Variants in C14orf39 observed in about 807,000 individuals in gnomAD.
C14orf39 encodes the protein chromosome 14 open reading frame 39.
C14orf39 carries 66 observed loss-of-function variants against 85.6 expected under a neutral mutation model. That is an observed-to-expected ratio of 0.77 (90% CI 0.63 to 0.95). C14orf39 has a LOEUF of 0.95. Ranked by LOEUF, C14orf39 falls within the 40% of genes least tolerant of loss-of-function variation. The probability of loss-of-function intolerance (pLI) is 0.00; values close to 1 mark genes in which losing one functional copy is unlikely to be tolerated. For missense variants in C14orf39, 735 were observed against 663.9 expected (o/e 1.11, Z -1.18); for synonymous variants, 242 against 214.0 (o/e 1.13, Z -1.14).
chr14:60,461,304 T>C (rs1291391944), intron 13 of C14orf39, 50 bp downstream of exon 13: 1 of 1,470,766 alleles, frequency 6.8e-7, no homozygotes, highest in South Asian at 1.2e-5. Context: ...AAAAACCTGA[T>C]ATAATTTGTT....
chr14:60,450,893 C>T (rs1435770821), intron 16 of C14orf39, among the ~76,000 whole-genome samples: 1 of 152,174 alleles, frequency 6.6e-6, no homozygotes, highest in Non-Finnish European at 1.5e-5. Context: ...TATCCAAGAC[C>T]ACCAAGGCTG....
chr14:60,466,118 A>G lies in C14orf39; in HGVS notation c.896-63T>C, dbSNP rs1891780201. On this transcript the variant is annotated intron_variant, in intron 10 of 17. Transcript: ENST00000321731. ...GAAACAGAATCAAGTATCTTCCCCA[A>G]TGTTTAACCTAAACTTGTAATTTAG... The G allele has an allele frequency of 1.0e-5, 7 of 673,598 alleles. No homozygotes were observed. In the East Asian group the frequency reaches 1.9e-4, roughly 18 times the overall value. 41.7% of individuals were successfully genotyped at this position (673,598 alleles called of 1,614,324 possible). A position where few individuals can be genotyped will look rare whatever the true frequency, so the allele number is the denominator to read the frequency against.
Position 60,461,392 on chromosome 14 carries a change from T to C in C14orf39, c.1079A>G (p.Gln360Arg), listed in dbSNP as rs757998734. The C allele has an allele frequency of 6.2e-7, 1 of 1,610,854 alleles. No individual in the cohort carries two copies. Among genetic ancestry groups the C allele is most frequent in the South Asian group, 1.1e-5 (1 of 90,664 alleles). Residue 360 changes from glutamine (Q) to arginine (R), a missense_variant, in exon 13 of 18, where the codon CAA becomes CGA. By Grantham distance (43) the Gln-to-Arg change is conservative. Coordinates refer to ENST00000321731, the MANE Select transcript of C14orf39 (RefSeq NM_174978.3). ...MQVRLLTPQK[Q>R]SNSNQWSEKG... ...TTCCGACCACTGATTGGAATTTGAT[T>C]GTTTCTGTGGGGTTAACAATCTAAA...
intron 1 of C14orf39, among the ~76,000 whole-genome samples, chr14:60,513,058 G>C (rs1031091433): frequency 2.6e-4 from 39 of 152,218 alleles, no homozygotes. Flanking sequence ...GGAAGCCCAG[G>C]ACAGAGTAAG....
Position 60,515,017 on chromosome 14 carries a change from T to A in C14orf39, c.-144+378A>T, listed in dbSNP as rs1165247074. ...TGTCGGCCTGAATGGCTAATAGGTT[T>A]GCCTGTGAGCTGCGAGGGGGCGGTG... On this transcript the variant is annotated intron_variant, in intron 1 of 5. Coordinates refer to the C14orf39 transcript ENST00000556799. The surrounding 1 kb of genome is among the most constrained non-coding windows in gnomAD (Gnocchi z 6.2). 6.6e-6 allele frequency: 1 copy of A among 152,246 alleles called. No individual in the cohort carries two copies. The highest frequency in any genetic ancestry group is 1.5e-5 in the Non-Finnish European group (1 of 68,366). 9.4% of individuals were successfully genotyped at this position (152,246 alleles called of 1,614,324 possible). A position where few individuals can be genotyped will look rare whatever the true frequency, so the allele number is the denominator to read the frequency against.
At chr14:60,504,032 G>C (rs1893175941) in intron 1 of C14orf39, among the ~76,000 whole-genome samples, 1 of 152,118 alleles carries the variant, frequency 6.6e-6, no homozygotes, top group South Asian at 2.1e-4. Flanking sequence ...AAGATGTTTA[G>C]CAGCATCTCT....
At position 60,456,921 on chromosome 14, in the gene C14orf39, C is replaced by T. The variant is rs147627198; in HGVS notation, c.1354G>A (p.Glu452Lys). Reference protein sequence around the residue: ...KIKFPKTPPFEINRNRNAVPE... With the variant: ...KIKFPKTPPFKINRNRNAVPE... ...AGTTATTAATTAAAATCCTACATTT[C>T]GAACGGGGGGGTTTTAGGGAATTTT... The change falls in exon 15 of 18, where the codon GAA becomes AAA. Residue 452 changes from glutamate (E) to lysine (K), a missense_variant. Glu to Lys is a moderately conservative substitution (Grantham distance 56). Coordinates refer to ENST00000321731, the MANE Select transcript of C14orf39 (RefSeq NM_174978.3). 23 of 1,561,272 alleles carry T rather than the reference C, an allele frequency of 1.5e-5. No individual in the cohort carries two copies. Among genetic ancestry groups the T allele is most frequent in the East Asian group, 2.3e-5 (1 of 43,568 alleles).
Position 60,436,920 on chromosome 14 carries a change from T to C in C14orf39, c.1689A>G (p.Gln563=), listed in dbSNP as rs773572756. The C allele has an allele frequency of 1.3e-5, 21 of 1,612,824 alleles. No homozygotes were observed. The South Asian group carries it at 2.2e-4, about 17-fold the overall frequency. Residue 563 remains glutamine (Q), a synonymous_variant, in exon 18 of 18, where the codon CAA becomes CAG. Transcript: ENST00000321731. ...FSFPFSFGQG[Q]NSIPSSSLKG... The stretch of plus-strand genomic sequence containing the variant: ...TTAAAGAAGAAGAAGGTATTGAATT[T>C]TGACCCTGTCCAAATGAAAATGGAA...
At chr14:60,454,755 G>C (rs1052838751) in intron 16 of C14orf39, among the ~76,000 whole-genome samples, 3 of 151,862 alleles carry the variant, frequency 2.0e-5, no homozygotes, top group African/African-American at 7.2e-5. Flanking sequence ...TTTTTAAACT[G>C]CCTTTAGCTG....
chr14:60,478,741 A>G (rs112492859), intron 4 of C14orf39, among the ~76,000 whole-genome samples: 14 of 152,162 alleles, frequency 9.2e-5, no homozygotes, highest in Non-Finnish European at 1.5e-4. Context: ...CATTTCTAAG[A>G]TTTTGGTCAA....
chr14:60,499,240 G>A (rs946571469), intron 2 of C14orf39: 1 of 135,052 alleles, frequency 7.4e-6, no homozygotes, highest in Non-Finnish European at 1.6e-5. Flanking sequence ...TGGCCGACAA[G>A]AGCAAAACTC....
In C14orf39 at chr14:60,515,035, G is replaced by A. The variant is rs1358803960; in HGVS notation, c.-144+360C>T. Reference sequence around the variant, plus strand: ...ATAGGTTTGCCTGTGAGCTGCGAGGGGGCGGTGTCGGGGAGGAGGCGGCGG... The same window carrying A: ...ATAGGTTTGCCTGTGAGCTGCGAGGAGGCGGTGTCGGGGAGGAGGCGGCGG... On this transcript the variant is annotated intron_variant, in intron 1 of 5. Coordinates refer to the C14orf39 transcript ENST00000556799. The surrounding 1 kb of genome is among the most constrained non-coding windows in gnomAD (Gnocchi z 6.2). 1.3e-5 allele frequency: 2 copies of A among 152,624 alleles called. No homozygotes were observed. Among genetic ancestry groups the A allele is most frequent in the Non-Finnish European group, 2.9e-5 (2 of 68,462 alleles). 9.5% of individuals were successfully genotyped at this position (152,624 alleles called of 1,614,324 possible).
chr14:60,449,687 T>G (rs1890946890), intron 16 of C14orf39, among the ~76,000 whole-genome samples: 1 of 152,212 alleles, frequency 6.6e-6, no homozygotes, highest in African/African-American at 2.4e-5. Context: ...TTTCCTCTAT[T>G]GTTTGTTTTT....
At chr14:60,468,925 C>T (rs566816120) in intron 8 of C14orf39, among the ~76,000 whole-genome samples, 41 of 151,416 alleles carry the variant, frequency 2.7e-4, no homozygotes, top group Non-Finnish European at 5.0e-4. Flanking sequence ...GATAAGTATA[C>T]AGTATTTAAC....
intron 1 of C14orf39, chr14:60,509,810 C>T: frequency 6.2e-7 from 1 of 1,613,816 alleles, no homozygotes; most frequent in Non-Finnish European, 8.5e-7. Context: ...CTTCAAGGAG[C>T]GCACGCGGCA....
At chr14:60,462,407 A>G (rs1891574248) in intron 11 of C14orf39, among the ~76,000 whole-genome samples, 1 of 152,180 alleles carries the variant, frequency 6.6e-6, no homozygotes, top group Admixed American at 6.6e-5. Context: ...AAATTGTTTA[A>G]TATCAATATC....
chr14:60,454,103 T>G (rs903901455), intron 16 of C14orf39, among the ~76,000 whole-genome samples: 1 of 151,820 alleles, frequency 6.6e-6, no homozygotes, highest in Admixed American at 6.6e-5. Context: ...AGCATTTAAA[T>G]AAAAAATGAG....
At chr14:60,440,318 A>G (rs1439126527) in intron 17 of C14orf39, among the ~76,000 whole-genome samples, 1 of 152,160 alleles carries the variant, frequency 6.6e-6, no homozygotes, top group Non-Finnish European at 1.5e-5. Flanking sequence ...TGTCTCCTCA[A>G]TCTCAAATTA....
intron 5 of C14orf39, among the ~76,000 whole-genome samples, chr14:60,476,165 C>A (rs1245119322): frequency 1.3e-5 from 2 of 152,212 alleles, no homozygotes; most frequent in African/African-American, 4.8e-5. Flanking sequence ...GACCCACTTA[C>A]TATTTAATCG....
Sources: allele counts gnomAD v4.1 joint callset (sites outside exome capture counted in the v4.1 genomes callset), GRCh38; gene constraint gnomAD v4.1.1; non-coding constraint Gnocchi (gnomAD v3.1); transcripts MANE v1.5; gene names NCBI Gene and HGNC (gene_info 2026-07-23, HGNC 2026-07-21).